LDHAL6A: variants seen among roughly 807,000 people sequenced by gnomAD.
The protein encoded by LDHAL6A is lactate dehydrogenase A like 6A, also known as L-lactate dehydrogenase A-like 6A.
In LDHAL6A, 19 loss-of-function variants were observed where a neutral mutation model predicts 28.2. That is an observed-to-expected ratio of 0.67 (90% confidence interval 0.47 to 0.99). The LOEUF (loss-of-function observed/expected upper bound fraction) is 0.99, where lower values mean the gene tolerates loss of function less well. Among genes scored for constraint, LDHAL6A ranks in the 50% least tolerant of loss-of-function variants. The probability of loss-of-function intolerance (pLI) is 0.00; values close to 1 mark genes in which losing one functional copy is unlikely to be tolerated. For synonymous variants in LDHAL6A, 144 were observed against 134.4 expected, an observed-to-expected ratio of 1.07 and a Z score of -0.49; for missense variants, 372 against 398.6, an observed-to-expected ratio of 0.93 and a Z score of 0.57.
intron 3 of LDHAL6A, among the ~76,000 whole-genome samples, chr11:18,473,095 T>C (rs1849288420): frequency 1.3e-5 from 2 of 152,198 alleles, no homozygotes; most frequent in South Asian, 2.1e-4. Flanking sequence ...TATTTTCTTA[T>C]TTTTGATATT....
chr11:18,457,432 T>G (rs1848788240), intron 1 of LDHAL6A, among the ~76,000 whole-genome samples: 1 of 135,476 alleles, frequency 7.4e-6, no homozygotes, highest in South Asian at 2.6e-4. Flanking sequence ...AGCTATACTT[T>G]TATTAATGAA....
chr11:18,476,305 T>C (rs201152454), intron 4 of LDHAL6A, 79 bp from the exon 5 acceptor site: 631 of 1,504,554 alleles, frequency 4.2e-4, no homozygotes, highest in Non-Finnish European at 5.3e-4. Flanking sequence ...AGGGCAATTA[T>C]AACAGTTTTG....
chr11:18,461,581 T>A (rs1212148732), intron 1 of LDHAL6A, among the ~76,000 whole-genome samples: 1 of 152,058 alleles, frequency 6.6e-6, no homozygotes, highest in African/African-American at 2.4e-5. Context: ...CTGGGTGCGG[T>A]GGCTCAAGCC....
chr11:18,478,782 T>C lies in LDHAL6A; in HGVS notation c.911T>C (p.Ile304Thr). The change falls in exon 7 of 7, where the codon ATA becomes ACA. Residue 304 changes from isoleucine to threonine, a missense_variant. Coordinates refer to ENST00000280706, the MANE Select transcript of LDHAL6A (RefSeq NM_144972.5). ...GGAGAGAATGGTATCACAGACCTCA[T>C]AAAAGTAAAACTGACTCTTGAAGAG... ...ILGENGITDL[I>T]KVKLTLEEEA... 2 of 1,613,858 alleles carry C rather than the reference T, an allele frequency of 1.2e-6. No homozygotes were observed. Among genetic ancestry groups the C allele is most frequent in the Non-Finnish European group, 8.5e-7 (1 of 1,179,836 alleles).
chr11:18,468,322 C>T lies in LDHAL6A; in HGVS notation c.418+2512C>T, dbSNP rs117413321. 3.7e-3 allele frequency: 549 copies of T among 149,788 alleles called. 2 individuals are homozygous for T. The highest frequency in any genetic ancestry group is 5.6e-3 in the Non-Finnish European group (377 of 67,754). 9.3% of individuals were successfully genotyped at this position (149,788 alleles called of 1,614,324 possible). A position where few individuals can be genotyped will look rare whatever the true frequency, so the allele number is the denominator to read the frequency against. On this transcript the variant is annotated intron_variant, in intron 3 of 6. Transcript: ENST00000280706. The stretch of plus-strand genomic sequence containing the variant: ...ATACCACTTGGCATTCATTGAGCAG[C>T]TTGGATGTATAGGTTTTTTTTTTTT...
intron 1 of LDHAL6A, among the ~76,000 whole-genome samples, chr11:18,461,365 G>A (rs1478165660): frequency 4.1e-5 from 6 of 146,300 alleles, no homozygotes; most frequent in African/African-American, 1.3e-4. Flanking sequence ...GGTTGGTCTC[G>A]AACTCCTGAG....
chr11:18,473,044 A>G (rs1175588224), intron 3 of LDHAL6A, among the ~76,000 whole-genome samples: 2 of 152,126 alleles, frequency 1.3e-5, no homozygotes, highest in South Asian at 2.1e-4. Context: ...TTGTCCTACT[A>G]CACTTAAAAA....
At chr11:18,477,847 C>T in intron 6 of LDHAL6A, 104 bp downstream of exon 6, 1 of 1,030,764 alleles carries the variant, frequency 9.7e-7, no homozygotes, top group Non-Finnish European at 1.4e-6. Context: ...TGGGAAGCAC[C>T]TCTCTTCCTG....
chr11:18,469,202 G>A (rs1005072926), intron 3 of LDHAL6A: 8 of 638,974 alleles, frequency 1.3e-5, no homozygotes, highest in South Asian at 5.3e-5. Context: ...TTCTCTAACC[G>A]TTCAGGGCAC....
intron 3 of LDHAL6A, among the ~76,000 whole-genome samples, chr11:18,472,822 AGCT>A (rs763571837): frequency 9.9e-5 from 15 of 152,240 alleles, no homozygotes; most frequent in Non-Finnish European, 2.2e-4. Context: ...TTTACTTGAA[AGCT>A]GCTACTTTAT....
intron 1 of LDHAL6A, among the ~76,000 whole-genome samples, chr11:18,457,530 T>C (rs1190056245): frequency 6.6e-6 from 1 of 152,208 alleles, no homozygotes; most frequent in African/African-American, 2.4e-5. Context: ...CTGGGTTTCA[T>C]ATCTAGATGA....
At chr11:18,468,002 C>A (rs1349860500) in intron 3 of LDHAL6A, among the ~76,000 whole-genome samples, 1 of 37,704 alleles carries the variant, frequency 2.7e-5, no homozygotes, top group Non-Finnish European at 4.3e-5. Context: ...CATATATATA[C>A]GTATATATAT....
At chr11:18,472,665 A>G (rs1849281004) in intron 3 of LDHAL6A, among the ~76,000 whole-genome samples, 2 of 152,218 alleles carry the variant, frequency 1.3e-5, no homozygotes, top group African/African-American at 4.8e-5. Context: ...TTTTTAAAGT[A>G]TGAGTTATTA....
chr11:18,462,659 A>AAAC (rs1565067329), intron 1 of LDHAL6A, among the ~76,000 whole-genome samples: 21 of 137,362 alleles, frequency 1.5e-4, no homozygotes, highest in Non-Finnish European at 2.2e-4. Flanking sequence ...AACAAACAAA[A>AAAC]AAAAAAACAA....
Position 18,456,641 on chromosome 11 carries a change from A to G in LDHAL6A, c.-40A>G, listed in dbSNP as rs75447163. On this transcript the variant is annotated 5_prime_UTR_variant, in exon 1 of 7. Coordinates refer to ENST00000280706, the MANE Select transcript of LDHAL6A (RefSeq NM_144972.5). ...AGCCATTTCCAATTCCAGGTCTTGG[A>G]AATGGCTGTGCAATTTGTCTTCACT... The G allele has an allele frequency of 5.1e-3, 8,185 of 1,608,574 alleles. 369 individuals are homozygous for G. The African/African-American group carries it at 0.098, about 19-fold the overall frequency.
chr11:18,470,810 C>G (rs989075508), intron 3 of LDHAL6A, among the ~76,000 whole-genome samples: 1 of 151,948 alleles, frequency 6.6e-6, no homozygotes, highest in African/African-American at 2.4e-5. Context: ...CCTCAGCCTC[C>G]CAAGTAGCTG....
chr11:18,464,992 G>GTTTTTTTTTTTT (rs1212053975), intron 2 of LDHAL6A, among the ~76,000 whole-genome samples: 5 of 119,818 alleles, frequency 4.2e-5, no homozygotes, highest in African/African-American at 1.8e-4. Flanking sequence ...TTTTTGTTTT[G>GTTTTTTTTTTTT]TTTTGTTTTG....
rs1262237618 is a variant in LDHAL6A at position 18,478,911 on chromosome 11, T to C, written c.*41T>C. The C allele has an allele frequency of 1.3e-6, 2 of 1,505,022 alleles. No individual in the cohort carries two copies. Among genetic ancestry groups the C allele is most frequent in the Non-Finnish European group, 9.1e-7 (1 of 1,101,612 alleles). The allele number at this position is 1,505,022 out of a possible 1,614,324, so 93.2% of individuals were successfully genotyped here. On this transcript the variant is annotated 3_prime_UTR_variant, in exon 7 of 7. Coordinates refer to ENST00000280706, the MANE Select transcript of LDHAL6A (RefSeq NM_144972.5). ...ATTCTGTAGATTGAAGATGAAATAG[T>C]AGTTATGGAATTGTATATGTCAAAC...
At chr11:18,473,836 TTTC>T (rs1443229171) in intron 3 of LDHAL6A, among the ~76,000 whole-genome samples, 1 of 152,202 alleles carries the variant, frequency 6.6e-6, no homozygotes, top group Non-Finnish European at 1.5e-5. Context: ...GCTTCTAAGT[TTTC>T]TTCATAATGT....
Sources: allele counts gnomAD v4.1 joint callset (sites outside exome capture counted in the v4.1 genomes callset), GRCh38; gene constraint gnomAD v4.1.1; transcripts MANE v1.5; gene names NCBI Gene and HGNC (gene_info 2026-07-23, HGNC 2026-07-21).